Variants in GSDMA observed in about 807,000 individuals in gnomAD.
GSDMA encodes gasdermin-A.
In GSDMA, 55 loss-of-function variants were observed where a neutral mutation model predicts 54.3. The observed-to-expected ratio is 1.01, with a 90% CI of 0.82 to 1.27. GSDMA has a LOEUF of 1.27. GSDMA is among the 50% of genes most tolerant of loss of function. The pLI is 0.00. For synonymous variants in GSDMA, 211 were observed against 224.7 expected (o/e 0.94, Z 0.54); for missense variants, 542 against 542.6 (o/e 1.00, Z 0.01).
Position 39,965,755 on chromosome 17 carries a change from C to A in GSDMA, c.68C>A (p.Pro23Gln). The change falls in exon 2 of 12, where the codon CCA becomes CAA. Residue 23 changes from proline (P) to glutamine (Q), a missense_variant. Transcript: ENST00000301659. The part of the protein sequence containing the change: ...RQLNPRGDLT[P>Q]LDSLIDFKRF... The stretch of plus-strand genomic sequence containing the variant: ...CTAAACCCTCGAGGGGACCTGACAC[C>A]ACTTGACAGCCTCATCGACTTCAAG... 6.2e-7 allele frequency: 1 copy of A among 1,611,866 alleles called. No homozygotes were observed. Among genetic ancestry groups the A allele is most frequent in the Non-Finnish European group, 8.5e-7 (1 of 1,179,012 alleles).
chr17:39,972,236 C>T, intron 6 of GSDMA, 60 bp downstream of exon 6: 3 of 1,120,080 alleles, frequency 2.7e-6, no homozygotes, highest in Admixed American at 1.9e-5. Flanking sequence ...CATTATCTGC[C>T]AAAATCCTCC....
At chr17:39,976,703 G>T in intron 11 of GSDMA, 113 bp from the exon 12 acceptor site, 1 of 1,410,418 alleles carries the variant, frequency 7.1e-7, no homozygotes. Context: ...TGTAATGTAA[G>T]GTAAAGTAAG....
Position 39,976,927 on chromosome 17 carries a change from C to G in GSDMA, c.1207C>G (p.Leu403Val). The change falls in exon 12 of 12, where the codon CTA becomes GTA. Residue 403 changes from leucine to valine, a missense_variant. Coordinates refer to ENST00000301659, the MANE Select transcript of GSDMA (RefSeq NM_178171.5). Reference sequence around the variant, plus strand: ...CGAGGAGCTGACCCTCACGGAGGCTCTAGTCGGGCTGAGTGGCCTGGAAGT... The same window carrying G: ...CGAGGAGCTGACCCTCACGGAGGCTGTAGTCGGGCTGAGTGGCCTGGAAGT... ...GDEELTLTEA[L>V]VGLSGLEVQR... is the part of the protein sequence containing the mutation. The G allele has an allele frequency of 1.9e-6, 3 of 1,613,994 alleles. No individual in the cohort carries two copies. Among genetic ancestry groups the G allele is most frequent in the South Asian group, 1.1e-5 (1 of 91,084 alleles).
chr17:39,970,140 G>C (rs1011642621), intron 3 of GSDMA, among the ~76,000 whole-genome samples: 10 of 151,806 alleles, frequency 6.6e-5, no homozygotes, highest in Non-Finnish European at 1.2e-4. Flanking sequence ...GGAGGAAAGA[G>C]GGGGGGAGCA....
chr17:39,967,959 G>A (rs952399257), intron 3 of GSDMA, among the ~76,000 whole-genome samples: 1 of 152,198 alleles, frequency 6.6e-6, no homozygotes, highest in African/African-American at 2.4e-5. Context: ...CTGGGTTCAA[G>A]CAATTATCCA....
intron 10 of GSDMA, among the ~76,000 whole-genome samples, chr17:39,975,686 A>G (rs1305768955): frequency 1.3e-5 from 2 of 152,108 alleles, no homozygotes; most frequent in African/African-American, 4.8e-5. Flanking sequence ...CACATTTTCT[A>G]GTTTTCCACT....
chr17:39,971,310 G>A (rs1186670880), intron 4 of GSDMA, among the ~76,000 whole-genome samples: 1 of 152,114 alleles, frequency 6.6e-6, no homozygotes, highest in African/African-American at 2.4e-5. Flanking sequence ...CTACTGACCT[G>A]AACCAGGTCA....
intron 1 of GSDMA, among the ~76,000 whole-genome samples, chr17:39,963,456 G>A (rs920925523): frequency 6.6e-6 from 1 of 152,088 alleles, no homozygotes; most frequent in African/African-American, 2.4e-5. Flanking sequence ...ATGCTTCCAA[G>A]CCAGCTGGTG....
Position 39,974,882 on chromosome 17 carries a change from G to T in GSDMA, c.907-18G>T, listed in dbSNP as rs776835215. 6.8e-7 allele frequency: 1 copy of T among 1,461,526 alleles called. No individual in the cohort carries two copies. Among genetic ancestry groups the T allele is most frequent in the Admixed American group, 1.7e-5 (1 of 57,180 alleles). The allele number at this position is 1,461,526 out of a possible 1,614,324, so 90.5% of individuals were successfully genotyped here. On this transcript the variant is annotated intron_variant, in intron 9 of 11. Transcript: ENST00000301659. ...CTTTCCTATGTTATCTTCAATAGTC[G>T]CCCACCTTCCCCCACAGCTTGAAGG... is the stretch of plus-strand genomic sequence containing the variant.
At chr17:39,969,361 A>G in intron 3 of GSDMA, among the ~76,000 whole-genome samples, 1 of 147,334 alleles carries the variant, frequency 6.8e-6, no homozygotes, top group East Asian at 2.0e-4. Flanking sequence ...AAAAAAAAAG[A>G]AAAAACTATA....
intron 1 of GSDMA, among the ~76,000 whole-genome samples, chr17:39,965,312 T>TAAAG (rs369515779): frequency 0.082 from 7,679 of 93,704 alleles, 717 homozygotes; most frequent in African/African-American, 0.23. Context: ...GAGAAATAAA[T>TAAAG]AAAGAAAGAA....
rs144899661 is a variant in GSDMA at position 39,963,969 on chromosome 17, A to G, written c.-6+884A>G. ...ACATTCATTGGTTCTTTCCACACAC[A>G]TTTGCCAAGCTCGAACTCTGTGCCA... On this transcript the variant is annotated intron_variant, in intron 1 of 11. Transcript: ENST00000301659. Among the ~76,000 whole-genome samples the G allele has an allele frequency of 3.8e-3, 577 of 152,184 alleles. 6 individuals carry two copies. Among genetic ancestry groups the G allele is most frequent in the African/African-American group, 0.012 (509 of 41,498 alleles).
chr17:39,975,274 C>A (rs1598307875), intron 10 of GSDMA, among the ~76,000 whole-genome samples: 1 of 152,178 alleles, frequency 6.6e-6, no homozygotes, highest in East Asian at 1.9e-4. Context: ...CATGGTGAAA[C>A]CCCGCCTCTT....
chr17:39,972,440 T>C, intron 6 of GSDMA, 147 bp from the exon 7 acceptor site: 4 of 761,832 alleles, frequency 5.3e-6, no homozygotes, highest in Middle Eastern at 2.3e-4. Context: ...AGACTGAGTG[T>C]GTTCCCGAAT....
At position 39,974,895 on chromosome 17, in the gene GSDMA, C is replaced by G; in HGVS notation, c.907-5C>G. On this transcript the variant is annotated splice_polypyrimidine_tract_variant and splice_region_variant and intron_variant, in intron 9 of 11. Transcript: ENST00000301659. Reference sequence around the variant, plus strand: ...TCTTCAATAGTCGCCCACCTTCCCCCACAGCTTGAAGGGGCTCTAGACAAG... The same window carrying G: ...TCTTCAATAGTCGCCCACCTTCCCCGACAGCTTGAAGGGGCTCTAGACAAG... The G allele has an allele frequency of 1.3e-6, 2 of 1,565,146 alleles. No individual in the cohort carries two copies. The highest frequency in any genetic ancestry group is 8.8e-7 in the Non-Finnish European group (1 of 1,138,122).
chr17:39,968,384 G>C (rs945755450), intron 3 of GSDMA, among the ~76,000 whole-genome samples: 1 of 106,592 alleles, frequency 9.4e-6, no homozygotes, highest in African/African-American at 3.7e-5. Flanking sequence ...GTCTCTCTCT[G>C]TTGCACAGGC....
At chr17:39,975,827 C>A in intron 10 of GSDMA, 97 bp from the exon 11 acceptor site, 1 of 888,818 alleles carries the variant, frequency 1.1e-6, no homozygotes, top group Non-Finnish European at 1.8e-6. Context: ...TAATTACATC[C>A]AATGAATGAA....
intron 1 of GSDMA, among the ~76,000 whole-genome samples, chr17:39,963,755 G>C (rs1430268338): frequency 6.6e-6 from 1 of 152,206 alleles, no homozygotes; most frequent in Non-Finnish European, 1.5e-5. Context: ...CTGGGAGACT[G>C]AGGCAGGAGA....
chr17:39,964,495 A>G (rs1302214940), intron 1 of GSDMA, among the ~76,000 whole-genome samples: 4 of 151,288 alleles, frequency 2.6e-5, no homozygotes, highest in Non-Finnish European at 3.0e-5. Context: ...CTTGAATCTG[A>G]GAGGTGGAGA....
Sources: gnomAD v4.1 joint callset for allele counts (sites outside exome capture counted in the v4.1 genomes callset) on GRCh38, gnomAD v4.1.1 for gene constraint, MANE v1.5 for transcripts, NCBI Gene and HGNC (gene_info 2026-07-23, HGNC 2026-07-21) for gene names.